Variants in NAV3 observed in about 807,000 individuals in gnomAD.
NAV3 encodes pore membrane and/or filament interacting like protein 1.
NAV3 carries 87 observed loss-of-function variants against 244.7 expected under a neutral mutation model. The observed-to-expected ratio is 0.36, with a 90% CI of 0.30 to 0.42. The LOEUF (loss-of-function observed/expected upper bound fraction) is 0.42. NAV3 is among the 20% of genes least tolerant of loss of function. The pLI, the probability that NAV3 is intolerant of heterozygous loss-of-function variation, is 1.00. For synonymous variants in NAV3, 1,126 were observed against 1,042.2 expected, an observed-to-expected ratio of 1.08 and a Z score of -1.55; for missense variants, 2,663 against 2,893.3, an observed-to-expected ratio of 0.92 and a Z score of 1.83.
chr12:78,195,327 C>T (rs1224038453), intron 34 of NAV3, among the ~76,000 whole-genome samples: 3 of 151,732 alleles, frequency 2.0e-5, no homozygotes, highest in African/African-American at 7.3e-5. Flanking sequence ...TCAGGTTTCA[C>T]TTTTTATTCT....
intron 2 of NAV3, among the ~76,000 whole-genome samples, chr12:77,657,146 C>G (rs1168891828): frequency 6.6e-6 from 1 of 152,162 alleles, no homozygotes; most frequent in East Asian, 1.9e-4. Flanking sequence ...AAAAACCCTT[C>G]ACAAAATTAA....
At chr12:78,041,796 C>A (rs1880903843) in intron 9 of NAV3, among the ~76,000 whole-genome samples, 1 of 152,078 alleles carries the variant, frequency 6.6e-6, no homozygotes, top group Admixed American at 6.6e-5. Context: ...AAAAATCTGG[C>A]CTGAGTATTA....
chr12:78,022,911 G>A (rs1378292110), intron 9 of NAV3, among the ~76,000 whole-genome samples: 1 of 152,128 alleles, frequency 6.6e-6, no homozygotes. Context: ...TTCATATGGA[G>A]ATTACAACAA....
intron 1 of NAV3, among the ~76,000 whole-genome samples, chr12:77,900,075 A>AT (rs201444499): frequency 0.024 from 3,036 of 127,272 alleles, 100 homozygotes; most frequent in African/African-American, 0.071. Flanking sequence ...ATTGTTCTCA[A>AT]TTTTTTTTTT....
intron 1 of NAV3, among the ~76,000 whole-genome samples, chr12:77,882,921 C>CA (rs1184092049): frequency 6.6e-6 from 1 of 151,848 alleles, no homozygotes; most frequent in Non-Finnish European, 1.5e-5. Context: ...ATTAAAAAGT[C>CA]AAAAAACCAC....
intron 9 of NAV3, among the ~76,000 whole-genome samples, chr12:78,044,635 G>A (rs1005525771): frequency 2.6e-5 from 4 of 152,094 alleles, no homozygotes; most frequent in African/African-American, 9.7e-5. Context: ...TCTTTTTGAA[G>A]AGGTCCTTCA....
At chr12:77,605,571 T>G (rs1870634672) in intron 2 of NAV3, among the ~76,000 whole-genome samples, 1 of 152,150 alleles carries the variant, frequency 6.6e-6, no homozygotes, top group Non-Finnish European at 1.5e-5. Flanking sequence ...TAAAGATAAC[T>G]TGTATTGAGA....
rs545097392 is a variant in NAV3 at position 78,175,087 on chromosome 12, T to C, written c.4982-219T>C. 2.0e-5 allele frequency among the ~76,000 whole-genome samples: 3 copies of C among 152,158 alleles called. No individual in the cohort carries two copies. The South Asian group carries it at 6.2e-4, about 31-fold the overall frequency. On this transcript the variant is annotated intron_variant, in intron 24 of 39. Transcript: ENST00000397909. ...TTAAACTGCCAGGGCTATGGACTTA[T>C]ATGAGATTCTCATTAAATCTTAATG... is the stretch of plus-strand genomic sequence containing the variant.
intron 1 of NAV3, among the ~76,000 whole-genome samples, chr12:77,902,084 T>G (rs968500393): frequency 6.6e-6 from 1 of 152,238 alleles, no homozygotes; most frequent in Non-Finnish European, 1.5e-5. Context: ...TGACATTAAA[T>G]TTTAATTATA....
intron 1 of NAV3, among the ~76,000 whole-genome samples, chr12:77,887,690 G>A (rs1200080789): frequency 1.3e-5 from 2 of 152,048 alleles, no homozygotes; most frequent in Non-Finnish European, 2.9e-5. Flanking sequence ...TATTTAGAGA[G>A]TGCTAATACT....
At chr12:77,642,463 G>A (rs1354388257) in intron 2 of NAV3, among the ~76,000 whole-genome samples, 1 of 152,028 alleles carries the variant, frequency 6.6e-6, no homozygotes, top group African/African-American at 2.4e-5. Flanking sequence ...AATTCTAATG[G>A]AAGAAACCTC....
chr12:78,170,168 C>T (rs1019610964), intron 24 of NAV3, among the ~76,000 whole-genome samples: 3 of 151,724 alleles, frequency 2.0e-5, no homozygotes, highest in African/African-American at 7.2e-5. Flanking sequence ...CTTTGGATGT[C>T]TGTTTTGCAT....
chr12:78,081,058 A>C (rs1462793564), intron 12 of NAV3, among the ~76,000 whole-genome samples: 1 of 150,764 alleles, frequency 6.6e-6, no homozygotes, highest in Non-Finnish European at 1.5e-5. Flanking sequence ...GAGAAGTCAG[A>C]ATTTGATTTA....
At chr12:78,135,890 T>C (rs113666894) in intron 18 of NAV3, among the ~76,000 whole-genome samples, 18 of 152,298 alleles carry the variant, frequency 1.2e-4, no homozygotes, top group South Asian at 1.0e-3. Flanking sequence ...CATATTTTCT[T>C]CCTTTTCCAT....
chr12:78,112,519 A>G (rs929975182), intron 12 of NAV3, among the ~76,000 whole-genome samples: 3 of 152,162 alleles, frequency 2.0e-5, no homozygotes, highest in Non-Finnish European at 4.4e-5. Context: ...CATGTCCTTC[A>G]CATGGTAGCA....
chr12:77,770,910 AATGGG>A (rs1565806970), intron 2 of NAV3, among the ~76,000 whole-genome samples: 1 of 152,180 alleles, frequency 6.6e-6, no homozygotes, highest in Non-Finnish European at 1.5e-5. Flanking sequence ...AAAATTGACA[AATGGG>A]ATCTAATTAA....
intron 1 of NAV3, among the ~76,000 whole-genome samples, chr12:77,865,123 G>A (rs988300991): frequency 1.3e-5 from 2 of 151,958 alleles, no homozygotes; most frequent in African/African-American, 4.8e-5. Flanking sequence ...ATAAATAGTG[G>A]GTGAGGGAAT....
At chr12:77,875,859 G>T (rs1196876854) in intron 1 of NAV3, among the ~76,000 whole-genome samples, 1 of 151,796 alleles carries the variant, frequency 6.6e-6, no homozygotes, top group African/African-American at 2.4e-5. Context: ...TCTATCAATA[G>T]GCAATACTTA....
chr12:77,770,008 A>T (rs772025648), intron 2 of NAV3, among the ~76,000 whole-genome samples: 50 of 152,206 alleles, frequency 3.3e-4, no homozygotes, highest in Non-Finnish European at 5.1e-4. Flanking sequence ...AGAGTTAGAG[A>T]AATAAGTAAG....
Sources: allele counts gnomAD v4.1 joint callset (sites outside exome capture counted in the v4.1 genomes callset), GRCh38; gene constraint gnomAD v4.1.1; transcripts MANE v1.5; gene names NCBI Gene and HGNC (gene_info 2026-07-23, HGNC 2026-07-21).